DEPDC5: variants seen among roughly 807,000 people sequenced by gnomAD.
DEPDC5 encodes DEP domain containing 5, GATOR1 subcomplex subunit.
A neutral mutation model predicts 217.3 loss-of-function variants in DEPDC5; 73 were observed. That is an observed-to-expected ratio of 0.34 (90% CI 0.28 to 0.41). The LOEUF (loss-of-function observed/expected upper bound fraction) is 0.41, where lower values mean the gene tolerates loss of function less well. DEPDC5 is among the 10% of genes least tolerant of loss of function. The pLI is 1.00. For missense variants in DEPDC5, 1,675 were observed against 2,070.1 expected (o/e 0.81, Z 3.70); for synonymous variants, 733 against 756.7 (o/e 0.97, Z 0.51).
rs139844315 is a variant in DEPDC5, at chr22:31,797,301, C to T, written c.768-299C>T. On this transcript the variant is annotated intron_variant, in intron 12 of 42. Coordinates refer to ENST00000651528, the MANE Select transcript of DEPDC5 (RefSeq NM_001242896.3). Reference sequence around the variant, plus strand: ...TGGTTCTGCATGGCTCAGGAGGCCTCTGGAAACTTACAATCCTGGTGGAAG... The same window carrying T: ...TGGTTCTGCATGGCTCAGGAGGCCTTTGGAAACTTACAATCCTGGTGGAAG... Among the ~76,000 whole-genome samples, 639 of 152,216 alleles carry T rather than the reference C, an allele frequency of 4.2e-3. 7 individuals carry two copies. Among genetic ancestry groups the T allele is most frequent in the African/African-American group, 0.014 (586 of 41,522 alleles).
At chr22:31,827,135 G>A (rs1033886859) in intron 24 of DEPDC5, among the ~76,000 whole-genome samples, 1 of 151,946 alleles carries the variant, frequency 6.6e-6, no homozygotes, top group African/African-American at 2.4e-5. Flanking sequence ...TCTAGTCAGG[G>A]TGATATTGTT....
chr22:31,822,645 A>G, intron 23 of DEPDC5, 48 bp from the exon 24 acceptor site: 1 of 1,581,574 alleles, frequency 6.3e-7, no homozygotes. Context: ...CAGGAAAAAG[A>G]GGTGATGATC....
chr22:31,771,126 T>C (rs1345151028), intron 7 of DEPDC5, among the ~76,000 whole-genome samples: 2 of 152,198 alleles, frequency 1.3e-5, no homozygotes, highest in Non-Finnish European at 2.9e-5. Context: ...TTGAGGATTG[T>C]TGTAAGATGG....
Position 31,815,002 on chromosome 22 carries a change from G to A in DEPDC5, c.1456G>A (p.Glu486Lys), listed in dbSNP as rs1389850959. ...QCLTTCRSVR[E>K]RESHSRKSAS... is the part of the protein sequence containing the mutation. ...TCTCTTGCCTGGCAGATCTGTGCGAGAGCGAGAGAGTCACAGTCGAAAGAG... is the reference window on the plus strand; with the variant it reads ...TCTCTTGCCTGGCAGATCTGTGCGAAAGCGAGAGAGTCACAGTCGAAAGAG... Residue 486 changes from glutamate to lysine, a missense_variant, in exon 21 of 43, where the codon GAG (glutamate) becomes AAG (lysine). Physicochemically the swap from Glu to Lys is moderately conservative, Grantham distance 56. Coordinates refer to ENST00000651528, the MANE Select transcript of DEPDC5 (RefSeq NM_001242896.3). The A allele has an allele frequency of 3.1e-6, 5 of 1,613,948 alleles. No homozygotes were observed. The African/African-American group carries it at 6.7e-5, about 22-fold the overall frequency.
At chr22:31,766,045 T>C (rs1486238615) in intron 5 of DEPDC5, among the ~76,000 whole-genome samples, 1 of 152,120 alleles carries the variant, frequency 6.6e-6, no homozygotes. Context: ...AATAACTAAA[T>C]AAATATGTAG....
At chr22:31,792,632 AGAC>A (rs2085806112) in intron 11 of DEPDC5, 110 bp from the exon 12 acceptor site, 7 of 501,268 alleles carry the variant, frequency 1.4e-5, no homozygotes, top group Non-Finnish European at 2.2e-5. Flanking sequence ...AAAAAAAAAA[AGAC>A]AGTTATCTTT....
At chr22:31,892,191 G>A (rs1178491155) in intron 38 of DEPDC5, among the ~76,000 whole-genome samples, 1 of 152,184 alleles carries the variant, frequency 6.6e-6, no homozygotes, top group African/African-American at 2.4e-5. Context: ...GCCTGGCTGA[G>A]GTTCTGATTC....
chr22:31,887,099 GAGA>G, intron 38 of DEPDC5, among the ~76,000 whole-genome samples: 1 of 148,640 alleles, frequency 6.7e-6, no homozygotes, highest in South Asian at 2.1e-4. Flanking sequence ...AAAAAAAAGA[GAGA>G]GAGAGAGAAG....
intron 4 of DEPDC5, among the ~76,000 whole-genome samples, chr22:31,762,562 G>T (rs538671093): frequency 6.6e-6 from 1 of 152,286 alleles, no homozygotes; most frequent in Non-Finnish European, 1.5e-5. Flanking sequence ...TCAGGAGTTT[G>T]AGACCAGCCT....
At chr22:31,882,343 C>G (rs1470923592) in intron 38 of DEPDC5, among the ~76,000 whole-genome samples, 1 of 152,142 alleles carries the variant, frequency 6.6e-6, no homozygotes, top group Non-Finnish European at 1.5e-5. Context: ...AGTCAACTTC[C>G]CACTCCCCTC....
intron 7 of DEPDC5, among the ~76,000 whole-genome samples, chr22:31,775,934 GGGA>G (rs2083796347): frequency 6.6e-6 from 1 of 151,114 alleles, no homozygotes; most frequent in Admixed American, 6.6e-5. Context: ...CCAGCTACTC[GGGA>G]GGCTGAGGCA....
At chr22:31,755,119 C>T (rs958515374) in intron 2 of DEPDC5, 140 bp downstream of exon 2, 1 of 887,086 alleles carries the variant, frequency 1.1e-6, no homozygotes, top group Admixed American at 2.7e-5. Flanking sequence ...AACTGTCATA[C>T]AGTAACAATA....
chr22:31,802,124 A>ATTT (rs761007210), intron 14 of DEPDC5, among the ~76,000 whole-genome samples: 18 of 126,872 alleles, frequency 1.4e-4, no homozygotes, highest in East Asian at 4.4e-4. Flanking sequence ...AACAGCATGA[A>ATTT]TTTTTTTTTT....
intron 24 of DEPDC5, among the ~76,000 whole-genome samples, chr22:31,823,865 A>G (rs1375855089): frequency 1.3e-5 from 2 of 152,192 alleles, no homozygotes; most frequent in Non-Finnish European, 2.9e-5. Flanking sequence ...TTTTCGTGAC[A>G]TTGTTCAGAG....
Position 31,815,330 on chromosome 22 carries a change from G to A in DEPDC5, c.1666+118G>A. On this transcript the variant is annotated intron_variant, in intron 21 of 42. Transcript: ENST00000651528. ...AATCCCACATCTTAATGATTTCTTT[G>A]CCAGTGCAGTAGGTACAAATCACTT... is the stretch of plus-strand genomic sequence containing the variant. 9 of 1,045,884 alleles carry A rather than the reference G, an allele frequency of 8.6e-6. 1 individual carries two copies. The highest frequency in any genetic ancestry group is 4.1e-5 in the South Asian group (3 of 73,590). 64.8% of individuals were successfully genotyped at this position (1,045,884 alleles called of 1,614,324 possible).
chr22:31,798,615 C>A lies in DEPDC5; in HGVS notation c.905C>A (p.Ala302Glu). The A allele has an allele frequency of 6.2e-7, 1 of 1,611,726 alleles. No homozygotes were observed. The highest frequency in any genetic ancestry group is 8.5e-7 in the Non-Finnish European group (1 of 1,178,496). The part of the protein sequence containing the change: ...GFPQGDNSTS[A>E]QGNYLEAINL... ...CCTCAAGGAGATAATTCTACCTCAG[C>A]ACAAGGAAACTACCTGGAGGCCATC... The change falls in exon 14 of 43, where the codon GCA (alanine) becomes GAA (glutamate). Residue 302 changes from alanine to glutamate, a missense_variant. Coordinates refer to ENST00000651528, the MANE Select transcript of DEPDC5 (RefSeq NM_001242896.3).
At position 31,784,853 on chromosome 22, in the gene DEPDC5, C is replaced by A. The variant is rs1569519698; in HGVS notation, c.602C>A (p.Ala201Asp). ...YFEKAVNGFL[A>D]DLFTKWKEKN... ...GAGAAAGCTGTGAATGGTTTCCTTG[C>A]TGATCTATTTACCAAGTGGAAGGTA... Residue 201 changes from alanine (A) to aspartate (D), a missense_variant, in exon 10 of 43, where the codon GCT becomes GAT. Ala to Asp is a moderately radical substitution (Grantham distance 126, BLOSUM62 -2). This residue lies in a region of DEPDC5 where 628 missense variants were observed against 762.1 expected (regional missense o/e 0.82). Coordinates refer to ENST00000651528, the MANE Select transcript of DEPDC5 (RefSeq NM_001242896.3). 4.3e-6 allele frequency: 7 copies of A among 1,613,194 alleles called. No individual in the cohort carries two copies. The highest frequency in any genetic ancestry group is 5.9e-6 in the Non-Finnish European group (7 of 1,179,740).
intron 23 of DEPDC5, among the ~76,000 whole-genome samples, chr22:31,822,338 C>T (rs2089773759): frequency 6.6e-6 from 1 of 152,168 alleles, no homozygotes; most frequent in Admixed American, 6.5e-5. Context: ...ACCTTCTTAA[C>T]CAGATGAACT....
chr22:31,778,309 G>A (rs1035904620), intron 8 of DEPDC5, 141 bp downstream of exon 8: 12 of 787,666 alleles, frequency 1.5e-5, no homozygotes, highest in East Asian at 1.1e-4. Context: ...ACAAGCCTGG[G>A]CAACATGGAG....
Sources: gnomAD v4.1 joint callset for allele counts (sites outside exome capture counted in the v4.1 genomes callset) on GRCh38, gnomAD v4.1.1 for gene constraint, gnomAD v4.1.1 regional missense constraint, MANE v1.5 for transcripts, NCBI Gene and HGNC (gene_info 2026-07-23, HGNC 2026-07-21) for gene names.